The following SRRD variants were observed in gnomAD, a reference collection of about 807,000 sequenced individuals.
The protein encoded by SRRD is SRR1-like protein.
SRRD carries 28 observed loss-of-function variants against 30.7 expected under a neutral mutation model. The ratio of observed to expected loss-of-function variants is 0.91; its 90% CI spans 0.68 to 1.25. SRRD has a LOEUF of 1.25. Ranked by LOEUF, SRRD falls within the 50% of genes most tolerant of loss-of-function variation. The probability of loss-of-function intolerance (pLI) is 0.00; values close to 1 mark genes in which losing one functional copy is unlikely to be tolerated. For synonymous variants in SRRD, 161 were observed against 159.6 expected, an observed-to-expected ratio of 1.01 and a Z score of -0.07; for missense variants, 415 against 417.3, an observed-to-expected ratio of 0.99 and a Z score of 0.05.
chr22:26,491,229 T>A (rs1777852299), intron 6 of SRRD, 159 bp downstream of exon 6: 1 of 793,070 alleles, frequency 1.3e-6, no homozygotes, highest in Non-Finnish European at 2.0e-6. Flanking sequence ...TATGACTCTT[T>A]AATGCATCTC....
chr22:26,491,948 A>T lies in SRRD; in HGVS notation c.*276A>T. The T allele has an allele frequency of 2.8e-6, 4 of 1,434,236 alleles. No homozygotes were observed. The highest frequency in any genetic ancestry group is 3.8e-6 in the Non-Finnish European group (4 of 1,054,978). 88.8% of individuals were successfully genotyped at this position (1,434,236 alleles called of 1,614,324 possible). A position where few individuals can be genotyped will look rare whatever the true frequency, so the allele number is the denominator to read the frequency against. On this transcript the variant is annotated 3_prime_UTR_variant, in exon 7 of 7. Transcript: ENST00000215917. ...ACCCTTTTGAAGGTGATCTAAAAAT[A>T]CTGTTTATTTACAGTACATCCCTCT...
At position 26,484,027 on chromosome 22, in the gene SRRD, CGGCGCCCCGG is replaced by C. The variant is rs771341322; in HGVS notation, c.141_150del (p.Gly50ArgfsTer31). The C allele has an allele frequency of 5.4e-5, 78 of 1,436,292 alleles. 2 individuals carry two copies. The African/African-American group carries it at 9.4e-4, about 17-fold the overall frequency. 89.0% of individuals were successfully genotyped at this position (1,436,292 alleles called of 1,614,324 possible). A position where few individuals can be genotyped will look rare whatever the true frequency, so the allele number is the denominator to read the frequency against. Reference sequence around the variant, plus strand: ...GAGGCGGCGCCCCGGGGGAGAGAGGCGGCGCCCCGGGGCCCCGAGGCGGAGTTCGAGTCTG... The same window carrying C: ...GAGGCGGCGCCCCGGGGGAGAGAGGCGGCCCCGAGGCGGAGTTCGAGTCTG... On this transcript the variant is annotated frameshift_variant, in exon 1 of 7. Transcript: ENST00000215917. LOFTEE classifies it high-confidence loss of function.
Position 26,491,923 on chromosome 22 carries a change from A to G in SRRD, c.*251A>G. The G allele has an allele frequency of 1.5e-6, 2 of 1,298,776 alleles. No homozygotes were observed. Among genetic ancestry groups the G allele is most frequent in the Middle Eastern group, 4.0e-4 (2 of 5,060 alleles). The allele number at this position is 1,298,776 out of a possible 1,614,324, so 80.5% of individuals were successfully genotyped here. A position where few individuals can be genotyped will look rare whatever the true frequency, so the allele number is the denominator to read the frequency against. ...GGAGTAGCTCCTGAGTAAAGAAGTTACCCTTTTGAAGGTGATCTAAAAATA... is the reference window on the plus strand; with the variant it reads ...GGAGTAGCTCCTGAGTAAAGAAGTTGCCCTTTTGAAGGTGATCTAAAAATA... On this transcript the variant is annotated 3_prime_UTR_variant, in exon 7 of 7. Transcript: ENST00000215917.
chr22:26,483,927 C>T lies in SRRD; in HGVS notation c.37C>T (p.Gln13Ter). ...CGCAGCTGCGGCGCTGGAATCCTGG[C>T]AGGCGGCGGCTCCGCGGAAGAGGCG... ...AAAAAALESW[Q>*]AAAPRKRRSA... The change falls in exon 1 of 7, where the codon CAG becomes TAG. Residue 13 changes from glutamine (Q) to a stop codon, truncating the protein, a stop_gained. Coordinates refer to ENST00000215917, the MANE Select transcript of SRRD (RefSeq NM_001013694.3). LOFTEE classifies it high-confidence loss of function. The T allele has an allele frequency of 1.5e-6, 2 of 1,349,746 alleles. No homozygotes were observed. Among genetic ancestry groups the T allele is most frequent in the Non-Finnish European group, 1.9e-6 (2 of 1,061,466 alleles). 83.6% of individuals were successfully genotyped at this position (1,349,746 alleles called of 1,614,324 possible).
At position 26,493,898 on chromosome 22, in the gene SRRD, T is replaced by C; in HGVS notation, c.*2226T>C. Reference sequence around the variant, plus strand: ...TGGGGTTAGACTGACATCATCTGAATCCAGCTTAAGTCAGTCTCCACTCAG... The same window carrying C: ...TGGGGTTAGACTGACATCATCTGAACCCAGCTTAAGTCAGTCTCCACTCAG... On this transcript the variant is annotated 3_prime_UTR_variant, in exon 7 of 7. Coordinates refer to ENST00000215917, the MANE Select transcript of SRRD (RefSeq NM_001013694.3). 1 of 488,128 alleles carries C rather than the reference T, an allele frequency of 2.0e-6. No individual in the cohort carries two copies. The highest frequency in any genetic ancestry group is 3.7e-6 in the Non-Finnish European group (1 of 268,310). 30.2% of individuals were successfully genotyped at this position (488,128 alleles called of 1,614,324 possible). A position where few individuals can be genotyped will look rare whatever the true frequency, so the allele number is the denominator to read the frequency against.
intron 6 of SRRD, 51 bp downstream of exon 6, chr22:26,491,121 A>C (rs753931361): frequency 2.5e-6 from 4 of 1,571,874 alleles, no homozygotes; most frequent in Non-Finnish European, 3.5e-6. Flanking sequence ...GAAACTGTGA[A>C]GAATTCTATC....
Position 26,486,107 on chromosome 22 carries a change from G to A in SRRD, c.250+44G>A, listed in dbSNP as rs751375878. The stretch of plus-strand genomic sequence containing the variant: ...ATGGTAGGGATTGTGGGGCAGAAAA[G>A]AGAATCAGTCCTCATTTGAGGACAT... On this transcript the variant is annotated intron_variant, in intron 2 of 6. Coordinates refer to ENST00000215917, the MANE Select transcript of SRRD (RefSeq NM_001013694.3). 2.5e-6 allele frequency: 4 copies of A among 1,613,320 alleles called. No individual in the cohort carries two copies. The African/African-American group carries it at 5.3e-5, about 22-fold the overall frequency.
Position 26,494,016 on chromosome 22 carries a change from G to A in SRRD, c.*2344G>A, listed in dbSNP as rs968030974. The A allele has an allele frequency of 6.9e-5, 77 of 1,112,062 alleles. No individual in the cohort carries two copies. The highest frequency in any genetic ancestry group is 9.7e-5 in the Non-Finnish European group (75 of 776,460). The allele number at this position is 1,112,062 out of a possible 1,614,324, so 68.9% of individuals were successfully genotyped here. ...GCAGGGTGAGAGTCTGTTGCTATGT[G>A]CAAAAGTGTGACCTAAGGTTTAGGC... On this transcript the variant is annotated 3_prime_UTR_variant, in exon 7 of 7. Transcript: ENST00000215917.
Position 26,492,477 on chromosome 22 carries a change from T to C in SRRD, c.*805T>C. 1.0e-6 allele frequency: 1 copy of C among 957,052 alleles called. No homozygotes were observed. Among genetic ancestry groups the C allele is most frequent in the Non-Finnish European group, 1.6e-6 (1 of 624,774 alleles). The allele number at this position is 957,052 out of a possible 1,614,324, so 59.3% of individuals were successfully genotyped here. A position where few individuals can be genotyped will look rare whatever the true frequency, so the allele number is the denominator to read the frequency against. On this transcript the variant is annotated 3_prime_UTR_variant, in exon 7 of 7. Coordinates refer to ENST00000215917, the MANE Select transcript of SRRD (RefSeq NM_001013694.3). ...GTGTGCCAGAGTGCTTGTGACTCAC[T>C]GAAGGGCAGCTCTGCCTCAAAGATA...
chr22:26,491,275 A>ACAGTC, intron 6 of SRRD, 188 bp from the exon 7 acceptor site: 1 of 713,794 alleles, frequency 1.4e-6, no homozygotes, highest in Non-Finnish European at 2.3e-6. Flanking sequence ...TCTTAGTATC[A>ACAGTC]CAGTCCATGA....
chr22:26,491,183 T>C, intron 6 of SRRD, 113 bp downstream of exon 6: 1 of 1,082,430 alleles, frequency 9.2e-7, no homozygotes, highest in Non-Finnish European at 1.4e-6. Context: ...GCTAGTGTAC[T>C]GTCAGCTCTC....
rs1288436936 is a variant in SRRD, at chr22:26,490,972, C to T, written c.765-53C>T. 1.2e-5 allele frequency: 18 copies of T among 1,492,864 alleles called. No individual in the cohort carries two copies. The Admixed American group carries it at 3.3e-4, about 27-fold the overall frequency. The allele number at this position is 1,492,864 out of a possible 1,614,324, so 92.5% of individuals were successfully genotyped here. On this transcript the variant is annotated intron_variant, in intron 5 of 6. Coordinates refer to ENST00000215917, the MANE Select transcript of SRRD (RefSeq NM_001013694.3). Reference sequence around the variant, plus strand: ...AAAGTTGAATGAAACTATCCTCATACCTCCTAATCATGGTGTTTTTTTTTT... The same window carrying T: ...AAAGTTGAATGAAACTATCCTCATATCTCCTAATCATGGTGTTTTTTTTTT...
chr22:26,492,289 C>T lies in SRRD; in HGVS notation c.*617C>T. The T allele has an allele frequency of 6.2e-7, 1 of 1,614,224 alleles. No individual in the cohort carries two copies. The highest frequency in any genetic ancestry group is 8.5e-7 in the Non-Finnish European group (1 of 1,180,044). ...CAGCCTCCCGCCTCTCCTGCATGGC[C>T]TCGTACTGGAAGTCCTTCCTCCGCT... On this transcript the variant is annotated 3_prime_UTR_variant, in exon 7 of 7. Transcript: ENST00000215917.
In SRRD at chr22:26,492,255, C is replaced by T. The variant is rs147941626; in HGVS notation, c.*583C>T. ...GCGGCCACGCCAATGCCCCTCTGAG[C>T]CATGTTCTCAGCCTCCCGCCTCTCC... On this transcript the variant is annotated 3_prime_UTR_variant, in exon 7 of 7. Coordinates refer to ENST00000215917, the MANE Select transcript of SRRD (RefSeq NM_001013694.3). The T allele has an allele frequency of 1.6e-4, 265 of 1,614,106 alleles. No homozygotes were observed. Among genetic ancestry groups the T allele is most frequent in the Non-Finnish European group, 2.1e-4 (242 of 1,180,052 alleles).
intron 4 of SRRD, among the ~76,000 whole-genome samples, chr22:26,488,909 T>C (rs2091728500): frequency 6.6e-6 from 1 of 152,196 alleles, no homozygotes; most frequent in African/African-American, 2.4e-5. Flanking sequence ...GTCAAACCCA[T>C]AGCACCTGGC....
Sources: gnomAD v4.1 joint callset for allele counts (sites outside exome capture counted in the v4.1 genomes callset) on GRCh38, gnomAD v4.1.1 for gene constraint, MANE v1.5 for transcripts, NCBI Gene and HGNC (gene_info 2026-07-23, HGNC 2026-07-21) for gene names.